The following IQSEC1 variants were observed in gnomAD, a reference collection of about 807,000 sequenced individuals.
The protein encoded by IQSEC1 is IQ motif and Sec7 domain ArfGEF 1.
IQSEC1 carries 31 observed loss-of-function variants against 91.0 expected under a neutral mutation model. That is an observed-to-expected ratio of 0.34 (90% CI 0.26 to 0.46). IQSEC1 has a LOEUF of 0.46. Among genes scored for constraint, IQSEC1 ranks in the 20% least tolerant of loss-of-function variants. The probability of loss-of-function intolerance (pLI) is 1.00; values close to 1 mark genes in which losing one functional copy is unlikely to be tolerated. For missense variants in IQSEC1, 1,388 were observed against 1,575.6 expected, an observed-to-expected ratio of 0.88 and a Z score of 2.02; for synonymous variants, 699 against 662.6, an observed-to-expected ratio of 1.05 and a Z score of -0.84.
intron 1 of IQSEC1, 126 bp from the exon 2 acceptor site, chr3:12,941,991 G>T: frequency 1.2e-6 from 1 of 865,778 alleles, no homozygotes; most frequent in Non-Finnish European, 1.7e-6. Context: ...CACACCCCAT[G>T]GCTGAGTCCA....
intron 1 of IQSEC1, among the ~76,000 whole-genome samples, chr3:13,222,156 C>T (rs548420847): frequency 1.3e-5 from 2 of 150,876 alleles, no homozygotes; most frequent in African/African-American, 2.4e-5. Flanking sequence ...CCTCCCCCAG[C>T]CCCTGGCACC....
chr3:13,138,992 G>C (rs1706756933), intron 2 of IQSEC1, among the ~76,000 whole-genome samples: 2 of 152,114 alleles, frequency 1.3e-5, no homozygotes, highest in Admixed American at 1.3e-4. Flanking sequence ...TGCCCCCACA[G>C]TTCCGGGAGC....
At chr3:13,096,867 T>TC (rs966278803) in intron 2 of IQSEC1, among the ~76,000 whole-genome samples, 10 of 150,294 alleles carry the variant, frequency 6.7e-5, no homozygotes, top group African/African-American at 1.5e-4. Flanking sequence ...TTTCTTTCTT[T>TC]TTTTTTTTTT....
Position 12,994,155 on chromosome 3 carries a change from G to C in IQSEC1, c.24-52290C>G, listed in dbSNP as rs1486968905. ...CGCGGCCCCAGAGCGTCCGGTGGCC[G>C]GGCGCGGGGGGGCGGGGGCGGGCGC... is the stretch of plus-strand genomic sequence containing the variant. On this transcript the variant is annotated intron_variant, in intron 1 of 13. Coordinates refer to ENST00000613206, the MANE Select transcript of IQSEC1 (RefSeq NM_001134382.3). This position sits in a 1 kb window ranked among gnomAD's most constrained non-coding sequence, Gnocchi z 4.5. Among the ~76,000 whole-genome samples the C allele has an allele frequency of 2.7e-5, 4 of 146,392 alleles. No homozygotes were observed. Among genetic ancestry groups the C allele is most frequent in the African/African-American group, 9.8e-5 (4 of 40,826 alleles).
intron 2 of IQSEC1, among the ~76,000 whole-genome samples, chr3:13,124,925 C>T (rs1184368383): frequency 6.6e-6 from 1 of 152,154 alleles, no homozygotes; most frequent in Non-Finnish European, 1.5e-5. Context: ...CACCTCCGTG[C>T]CACCATCCTG....
intron 2 of IQSEC1, among the ~76,000 whole-genome samples, chr3:13,085,693 T>C (rs1223541596): frequency 1.3e-5 from 2 of 152,184 alleles, no homozygotes; most frequent in Non-Finnish European, 2.9e-5. Flanking sequence ...AGTGAACCCC[T>C]TGAAGCCTTC....
At chr3:13,236,899 G>GCC (rs5846806) in intron 1 of IQSEC1, among the ~76,000 whole-genome samples, 30 of 151,726 alleles carry the variant, frequency 2.0e-4, no homozygotes, top group Admixed American at 1.1e-3. Context: ...ACAACAAAAT[G>GCC]CCCCCCTCCA....
intron 12 of IQSEC1, among the ~76,000 whole-genome samples, chr3:12,903,059 A>T (rs568556652): frequency 6.6e-6 from 1 of 152,292 alleles, no homozygotes; most frequent in East Asian, 1.9e-4. Flanking sequence ...CAAAAAAAAA[A>T]TTCTTTTTTA....
intron 2 of IQSEC1, among the ~76,000 whole-genome samples, chr3:13,154,553 C>A (rs942740441): frequency 3.5e-5 from 5 of 144,894 alleles, no homozygotes; most frequent in African/African-American, 1.3e-4. Flanking sequence ...TGCTTCAATA[C>A]CCTGTTCTCC....
chr3:13,107,637 G>A (rs187153556), intron 2 of IQSEC1, among the ~76,000 whole-genome samples: 84 of 152,310 alleles, frequency 5.5e-4, no homozygotes, highest in Non-Finnish European at 1.1e-3. Flanking sequence ...ACAACAACAG[G>A]TATAATTTCT....
Position 13,062,439 on chromosome 3 carries a change from C to T in IQSEC1, c.23+10553G>A, listed in dbSNP as rs546258956. Among the ~76,000 whole-genome samples the T allele has an allele frequency of 5.4e-4, 82 of 152,286 alleles. 1 individual carries two copies. The South Asian group carries it at 0.016, about 30-fold the overall frequency. ...TAGGTTCAGAGAGGTTGTCTTCTGC[C>T]CCAAGTCACACAGACACTGGGCAGC... On this transcript the variant is annotated intron_variant, in intron 1 of 13. Transcript: ENST00000613206.
intron 1 of IQSEC1, among the ~76,000 whole-genome samples, chr3:13,222,427 T>A (rs1042854816): frequency 6.6e-6 from 1 of 152,200 alleles, no homozygotes; most frequent in African/African-American, 2.4e-5. Context: ...GTTGTGAACA[T>A]GGGTGTGCAC....
chr3:12,999,193 C>G (rs934064942), intron 1 of IQSEC1, among the ~76,000 whole-genome samples: 3 of 152,052 alleles, frequency 2.0e-5, no homozygotes, highest in African/African-American at 7.3e-5. Context: ...CTCAAGGTCC[C>G]CTCTATCAAG....
intron 1 of IQSEC1, among the ~76,000 whole-genome samples, chr3:12,966,198 A>C (rs1040331792): frequency 6.6e-6 from 1 of 152,092 alleles, no homozygotes; most frequent in Non-Finnish European, 1.5e-5. Flanking sequence ...CCTGGCCTCC[A>C]CCCCAGATGC....
rs116269875 is a variant in IQSEC1 at position 12,944,118 on chromosome 3, G to C, written c.24-2253C>G. ...GTCCCAGTTTCCCTATCAGTAACAC[G>C]GTGGGCTGGACTCAATGCCTGCAAG... On this transcript the variant is annotated intron_variant, in intron 1 of 13. Coordinates refer to ENST00000613206, the MANE Select transcript of IQSEC1 (RefSeq NM_001134382.3). Among the ~76,000 whole-genome samples the C allele has an allele frequency of 6.8e-3, 1,035 of 152,254 alleles. 19 individuals carry two copies. The highest frequency in any genetic ancestry group is 0.023 in the African/African-American group (975 of 41,548).
At chr3:12,902,580 T>G (rs1419401569) in intron 13 of IQSEC1, among the ~76,000 whole-genome samples, 193 bp downstream of exon 13, 3 of 143,326 alleles carry the variant, frequency 2.1e-5, no homozygotes, top group Non-Finnish European at 1.5e-5. Context: ...ATGCACAGGG[T>G]TCCAGGCAGG....
chr3:13,183,316 T>A (rs189943715), intron 1 of IQSEC1, among the ~76,000 whole-genome samples: 1 of 151,948 alleles, frequency 6.6e-6, no homozygotes, highest in East Asian at 1.9e-4. Flanking sequence ...ATAATGAGTT[T>A]CTCATGCTGG....
chr3:12,905,335 C>T (rs113988625), intron 12 of IQSEC1, among the ~76,000 whole-genome samples: 122 of 152,378 alleles, frequency 8.0e-4, no homozygotes, highest in African/African-American at 2.7e-3. Context: ...GCTCTCCTGC[C>T]CACCCAGGAT....
Position 12,901,153 on chromosome 3 carries a change from G to GGTACTGGTGTGC in IQSEC1, c.3163_3174dup (p.Ala1055_Tyr1058dup). 6.5e-7 allele frequency: 1 copy of GGTACTGGTGTGC among 1,544,270 alleles called. No individual in the cohort carries two copies. The highest frequency in any genetic ancestry group is 8.7e-7 in the Non-Finnish European group (1 of 1,145,504). On this transcript the variant is annotated inframe_insertion, in exon 14 of 14. Coordinates refer to ENST00000613206, the MANE Select transcript of IQSEC1 (RefSeq NM_001134382.3). ...GGGTGGCCCCCATGGGGGCCGTGGT[G>GGTACTGGTGTGC]GTACTGGTGTGCGTGCTGGATGTGC...
Sources: allele counts gnomAD v4.1 joint callset (sites outside exome capture counted in the v4.1 genomes callset), GRCh38; gene constraint gnomAD v4.1.1; non-coding constraint Gnocchi (gnomAD v3.1); transcripts MANE v1.5; gene names NCBI Gene and HGNC (gene_info 2026-07-23, HGNC 2026-07-21).